The following BRIP1 variants were observed in gnomAD, a reference collection of about 807,000 sequenced individuals.
BRIP1 encodes the protein Fanconi anemia group J protein.
Under a neutral mutation model 119.7 loss-of-function variants are expected in BRIP1, and 88 were observed. The observed-to-expected ratio is 0.74, with a 90% CI of 0.62 to 0.88. The LOEUF (loss-of-function observed/expected upper bound fraction) is 0.88. BRIP1 is among the 40% of genes least tolerant of loss of function. The probability of loss-of-function intolerance (pLI) is 0.00; values close to 1 mark genes in which losing one functional copy is unlikely to be tolerated. For missense variants in BRIP1, 1,259 were observed against 1,455.4 expected (o/e 0.87, Z 2.20); for synonymous variants, 443 against 496.5 (o/e 0.89, Z 1.43).
intron 10 of BRIP1, among the ~76,000 whole-genome samples, chr17:61,786,918 AAT>A (rs1291200033): frequency 6.9e-4 from 29 of 42,170 alleles, no homozygotes; most frequent in African/African-American, 3.7e-3. Flanking sequence ...TAAATATAAA[AAT>A]ATATATTTAT....
In BRIP1 at chr17:61,816,556, G is replaced by A. The variant is rs2078239642; in HGVS notation, c.628-7799C>T. Among the ~76,000 whole-genome samples, 1 of 152,104 alleles carries A rather than the reference G, an allele frequency of 6.6e-6. No homozygotes were observed. Among genetic ancestry groups the A allele is most frequent in the Admixed American group, 6.6e-5 (1 of 15,262 alleles). ...TTGCTCCAGTTTCTGAAAAGTCTGTGTTTCAATAGAGTAAATCAATAAGAA... is the reference window on the plus strand; with the variant it reads ...TTGCTCCAGTTTCTGAAAAGTCTGTATTTCAATAGAGTAAATCAATAAGAA... On this transcript the variant is annotated intron_variant, in intron 6 of 19. Coordinates refer to ENST00000259008, the MANE Select transcript of BRIP1 (RefSeq NM_032043.3). The surrounding 1 kb of genome is among the most constrained non-coding windows in gnomAD (Gnocchi z 5.0).
At position 61,799,130 on chromosome 17, in the gene BRIP1, G is replaced by A. The variant is rs2145301119; in HGVS notation, c.1310C>T (p.Pro437Leu). 1 of 1,613,450 alleles carries A rather than the reference G, an allele frequency of 6.2e-7. No homozygotes were observed. The highest frequency in any genetic ancestry group is 8.5e-7 in the Non-Finnish European group (1 of 1,179,568). Residue 437 changes from proline to leucine, a missense_variant, in exon 9 of 20, where the codon CCC becomes CTC. Coordinates refer to ENST00000259008, the MANE Select transcript of BRIP1 (RefSeq NM_032043.3). This position sits in a 1 kb window ranked among gnomAD's most constrained non-coding sequence, Gnocchi z 5.1. Reference protein sequence around the residue: ...NNNIRKKDHEPLRAVCCSLIN... With the variant: ...NNNIRKKDHELLRAVCCSLIN... ...GAGGCTACAGCACACAGCTCGTAGG[G>A]GTTCATGATCTTTCTTCCTTATATT...
At chr17:61,829,990 T>G (rs1454432598) in intron 6 of BRIP1, among the ~76,000 whole-genome samples, 2 of 151,782 alleles carry the variant, frequency 1.3e-5, no homozygotes, top group African/African-American at 4.8e-5. Context: ...TTGAGTGCAA[T>G]GGCACGATCT....
Position 61,730,779 on chromosome 17 carries a change from C to T in BRIP1, c.2379+12234G>A, listed in dbSNP as rs991045449. Among the ~76,000 whole-genome samples, 6 of 152,048 alleles carry T rather than the reference C, an allele frequency of 3.9e-5. No individual in the cohort carries two copies. Among genetic ancestry groups the T allele is most frequent in the Non-Finnish European group, 8.8e-5 (6 of 67,996 alleles). ...AGAAAAAGGTTATCAACCGAACTTG[C>T]TTAAAATTTTGGGATTTTAAATATT... On this transcript the variant is annotated intron_variant, in intron 16 of 19. Transcript: ENST00000259008. The surrounding 1 kb of genome is among the most constrained non-coding windows in gnomAD (Gnocchi z 4.3).
At position 61,730,059 on chromosome 17, in the gene BRIP1, T is replaced by C. The variant is rs887344936; in HGVS notation, c.2379+12954A>G. Among the ~76,000 whole-genome samples, 2 of 152,188 alleles carry C rather than the reference T, an allele frequency of 1.3e-5. No homozygotes were observed. The highest frequency in any genetic ancestry group is 1.3e-4 in the Admixed American group (2 of 15,280). ...TGGTATACTTGATGCAGTAGGAAAA[T>C]ACACTGAGTTATTTGTATAGCTTAC... On this transcript the variant is annotated intron_variant, in intron 16 of 19. Transcript: ENST00000259008. The surrounding 1 kb of genome is among the most constrained non-coding windows in gnomAD (Gnocchi z 4.3).
In BRIP1 at chr17:61,740,615, A is replaced by G. The variant is rs1340209756; in HGVS notation, c.2379+2398T>C. Among the ~76,000 whole-genome samples, 5 of 152,204 alleles carry G rather than the reference A, an allele frequency of 3.3e-5. No homozygotes were observed. The highest frequency in any genetic ancestry group is 7.3e-5 in the Non-Finnish European group (5 of 68,036). On this transcript the variant is annotated intron_variant, in intron 16 of 19. Coordinates refer to ENST00000259008, the MANE Select transcript of BRIP1 (RefSeq NM_032043.3). The surrounding 1 kb of genome is among the most constrained non-coding windows in gnomAD (Gnocchi z 5.4). ...GCAAGTTTGGTTCCAGACCACCCCA[A>G]TAAGGAGAATATCATAACAAAGTAA... is the stretch of plus-strand genomic sequence containing the variant.
Position 61,701,370 on chromosome 17 carries a change from G to A in BRIP1, c.2493-7858C>T, listed in dbSNP as rs778307087. Among the ~76,000 whole-genome samples the A allele has an allele frequency of 8.5e-5, 13 of 152,154 alleles. No individual in the cohort carries two copies. Among genetic ancestry groups the A allele is most frequent in the African/African-American group, 1.9e-4 (8 of 41,436 alleles). On this transcript the variant is annotated intron_variant, in intron 17 of 19. Coordinates refer to ENST00000259008, the MANE Select transcript of BRIP1 (RefSeq NM_032043.3). The surrounding 1 kb of genome is among the most constrained non-coding windows in gnomAD (Gnocchi z 5.1). ...CATGTGTGGTCATTGAAGACTGCTC[G>A]ATTAACTTAGTAGTCAGCTAATAAT...
rs1603273901 is a variant in BRIP1, at chr17:61,681,331, G to A, written c.*1965C>T. ...TCTGGAACAAAAGCAAATGAAAATC[G>A]ACTCAGAATATCAACAGACATTCCT... is the stretch of plus-strand genomic sequence containing the variant. On this transcript the variant is annotated 3_prime_UTR_variant, in exon 20 of 20. Transcript: ENST00000259008. This position sits in a 1 kb window ranked among gnomAD's most constrained non-coding sequence, Gnocchi z 5.1. 4.8e-6 allele frequency: 1 copy of A among 209,428 alleles called. No individual in the cohort carries two copies. Among genetic ancestry groups the A allele is most frequent in the Non-Finnish European group, 9.7e-6 (1 of 103,200 alleles). 13.0% of individuals were successfully genotyped at this position (209,428 alleles called of 1,614,324 possible). A position where few individuals can be genotyped will look rare whatever the true frequency, so the allele number is the denominator to read the frequency against.
chr17:61,715,372 AT>A (rs906430615), intron 17 of BRIP1, among the ~76,000 whole-genome samples: 5 of 151,352 alleles, frequency 3.3e-5, no homozygotes, highest in Non-Finnish European at 2.9e-5. Context: ...AATGAAAATG[AT>A]TTTTTTTTCT....
rs890593099 is a variant in BRIP1 at position 61,691,906 on chromosome 17, A to G, written c.2575+1524T>C. Among the ~76,000 whole-genome samples, 7 of 152,260 alleles carry G rather than the reference A, an allele frequency of 4.6e-5. No individual in the cohort carries two copies. In the East Asian group the frequency reaches 5.8e-4, roughly 13 times the overall value. Reference sequence around the variant, plus strand: ...AAAGTATGGTACTGGCATAAAGAGAACCATATAAGCCAATGGAACATAATA... The same window carrying G: ...AAAGTATGGTACTGGCATAAAGAGAGCCATATAAGCCAATGGAACATAATA... On this transcript the variant is annotated intron_variant, in intron 18 of 19. Transcript: ENST00000259008. This position sits in a 1 kb window ranked among gnomAD's most constrained non-coding sequence, Gnocchi z 5.0.
rs1291020511 is a variant in BRIP1, at chr17:61,810,091, A to T, written c.628-1334T>A. The stretch of plus-strand genomic sequence containing the variant: ...CCAAATAAACAGTCAGTCAAAGCAG[A>T]TAAAGTTACAGCCATGCTGGAATTG... On this transcript the variant is annotated intron_variant, in intron 6 of 19. Transcript: ENST00000259008. The surrounding 1 kb of genome is among the most constrained non-coding windows in gnomAD (Gnocchi z 4.7). Among the ~76,000 whole-genome samples, 3 of 152,228 alleles carry T rather than the reference A, an allele frequency of 2.0e-5. No individual in the cohort carries two copies. Among genetic ancestry groups the T allele is most frequent in the African/African-American group, 7.2e-5 (3 of 41,464 alleles).
chr17:61,712,415 C>T (rs918360732), intron 17 of BRIP1, among the ~76,000 whole-genome samples: 9 of 151,616 alleles, frequency 5.9e-5, no homozygotes, highest in Admixed American at 2.6e-4. Context: ...GGTTTCACCA[C>T]GTTGACCAGG....
chr17:61,788,859 C>T (rs896170073), intron 10 of BRIP1, among the ~76,000 whole-genome samples: 8 of 151,862 alleles, frequency 5.3e-5, no homozygotes, highest in South Asian at 2.1e-4. Context: ...TTTGAAAGAC[C>T]GAGGCGGGTG....
At position 61,681,908 on chromosome 17, in the gene BRIP1, C is replaced by A; in HGVS notation, c.*1388G>T. The A allele has an allele frequency of 5.0e-6, 1 of 199,502 alleles. No individual in the cohort carries two copies. Among genetic ancestry groups the A allele is most frequent in the Non-Finnish European group, 1.0e-5 (1 of 96,652 alleles). 12.4% of individuals were successfully genotyped at this position (199,502 alleles called of 1,614,324 possible). On this transcript the variant is annotated 3_prime_UTR_variant, in exon 20 of 20. Transcript: ENST00000259008. The surrounding 1 kb of genome is among the most constrained non-coding windows in gnomAD (Gnocchi z 5.1). The stretch of plus-strand genomic sequence containing the variant: ...TTTGACTTGAAAATAATAGACCATA[C>A]AGAATTCTTGGATAGCTCATAAAAT...
Position 61,748,948 on chromosome 17 carries a change from T to C in BRIP1, c.2098-4357A>G, listed in dbSNP as rs184693927. Among the ~76,000 whole-genome samples, 11 of 152,132 alleles carry C rather than the reference T, an allele frequency of 7.2e-5. No homozygotes were observed. In the East Asian group the frequency reaches 1.4e-3, roughly 19 times the overall value. ...GTCAGGAGATTGAGACCATCCTGGC[T>C]AACACGGTGAAACCCCATCTCTACT... On this transcript the variant is annotated intron_variant, in intron 14 of 19. Coordinates refer to ENST00000259008, the MANE Select transcript of BRIP1 (RefSeq NM_032043.3). This position sits in a 1 kb window ranked among gnomAD's most constrained non-coding sequence, Gnocchi z 4.7.
chr17:61,781,602 G>T (rs564284704), intron 11 of BRIP1, among the ~76,000 whole-genome samples: 7 of 152,174 alleles, frequency 4.6e-5, no homozygotes, highest in African/African-American at 1.7e-4. Context: ...CTTTCAATAA[G>T]AATCTAGAAA....
In BRIP1 at chr17:61,776,670, T is replaced by TAAAAATAA; in HGVS notation, c.1936-109_1936-108insTTATTTTT. On this transcript the variant is annotated intron_variant, in intron 13 of 19. Transcript: ENST00000259008. This position sits in a 1 kb window ranked among gnomAD's most constrained non-coding sequence, Gnocchi z 5.0. ...AGATCAAGCAACAAGTTTAACAATT[T>TAAAAATAA]ATTTTTAAATTGTCAGGGGGTTTTC... 2.5e-6 allele frequency: 3 copies of TAAAAATAA among 1,202,992 alleles called. No individual in the cohort carries two copies. The highest frequency in any genetic ancestry group is 3.7e-6 in the Non-Finnish European group (3 of 818,832). 74.5% of individuals were successfully genotyped at this position (1,202,992 alleles called of 1,614,324 possible). A position where few individuals can be genotyped will look rare whatever the true frequency, so the allele number is the denominator to read the frequency against.
rs187245645 is a variant in BRIP1 at position 61,795,669 on chromosome 17, G to A, written c.1341-1940C>T. ...CCATTCATCTGTTGATGGACATTTA[G>A]GCTGCTTTCAAATCTTGACTATTGT... On this transcript the variant is annotated intron_variant, in intron 9 of 19. Coordinates refer to ENST00000259008, the MANE Select transcript of BRIP1 (RefSeq NM_032043.3). This position sits in a 1 kb window ranked among gnomAD's most constrained non-coding sequence, Gnocchi z 5.6. 6.6e-6 allele frequency among the ~76,000 whole-genome samples: 1 copy of A among 152,156 alleles called. No individual in the cohort carries two copies. The highest frequency in any genetic ancestry group is 1.5e-5 in the Non-Finnish European group (1 of 67,982).
Position 61,846,466 on chromosome 17 carries a change from C to T in BRIP1, c.627+635G>A, listed in dbSNP as rs1195307034. 6.6e-6 allele frequency among the ~76,000 whole-genome samples: 1 copy of T among 151,798 alleles called. No homozygotes were observed. The highest frequency in any genetic ancestry group is 1.5e-5 in the Non-Finnish European group (1 of 67,974). On this transcript the variant is annotated intron_variant, in intron 6 of 19. Coordinates refer to ENST00000259008, the MANE Select transcript of BRIP1 (RefSeq NM_032043.3). The surrounding 1 kb of genome is among the most constrained non-coding windows in gnomAD (Gnocchi z 4.3). ...AGTGTGGTGCAATCTTGGCTCAGTGCACCTTTGCCTCCTGGGCTCAAGCCA... is the reference window on the plus strand; with the variant it reads ...AGTGTGGTGCAATCTTGGCTCAGTGTACCTTTGCCTCCTGGGCTCAAGCCA...
Sources: gnomAD v4.1 joint callset for allele counts (sites outside exome capture counted in the v4.1 genomes callset) on GRCh38, gnomAD v4.1.1 for gene constraint, Gnocchi (gnomAD v3.1) non-coding constraint, MANE v1.5 for transcripts, NCBI Gene and HGNC (gene_info 2026-07-23, HGNC 2026-07-21) for gene names.